The following ASIC2 variants were observed in gnomAD, a reference collection of about 807,000 sequenced individuals.
The protein encoded by ASIC2 is acid-sensing ion channel 2.
In ASIC2, 25 loss-of-function variants were observed where a neutral mutation model predicts 57.3. That is an observed-to-expected ratio of 0.44 (90% CI 0.32 to 0.61). The LOEUF (loss-of-function observed/expected upper bound fraction) is 0.61, where lower values mean the gene tolerates loss of function less well. ASIC2 is among the 20% of genes least tolerant of loss of function. ASIC2 has a pLI of 0.06. For missense variants in ASIC2, 641 were observed against 738.1 expected, an observed-to-expected ratio of 0.87 and a Z score of 1.52; for synonymous variants, 319 against 307.5, an observed-to-expected ratio of 1.04 and a Z score of -0.39.
chr17:33,072,781 C>T (rs1598263385), intron 3 of ASIC2, among the ~76,000 whole-genome samples: 1 of 152,336 alleles, frequency 6.6e-6, no homozygotes, highest in Non-Finnish European at 1.5e-5. Flanking sequence ...GCTGCTTCCT[C>T]TCTCCTGCAC....
At chr17:33,836,884 G>T (rs911871725) in intron 1 of ASIC2, among the ~76,000 whole-genome samples, 7 of 151,984 alleles carry the variant, frequency 4.6e-5, no homozygotes, top group African/African-American at 1.7e-4. Flanking sequence ...ATTTCCCAAG[G>T]TCACAAAACA....
chr17:34,013,510 C>T (rs1906844205), intron 1 of ASIC2, among the ~76,000 whole-genome samples: 1 of 152,190 alleles, frequency 6.6e-6, no homozygotes. Context: ...TTCCCAGTGC[C>T]TAGCATAGAA....
intron 1 of ASIC2, among the ~76,000 whole-genome samples, chr17:33,917,855 TAC>T (rs10645495): frequency 0.28 from 38,373 of 138,888 alleles, 6,180 homozygotes; most frequent in Admixed American, 0.37. Context: ...TAAAGCCCGG[TAC>T]ACACACACAC....
At chr17:33,475,926 G>A (rs1045080987) in intron 1 of ASIC2, among the ~76,000 whole-genome samples, 13 of 152,098 alleles carry the variant, frequency 8.5e-5, no homozygotes, top group African/African-American at 2.4e-4. Context: ...CATTCTCCAC[G>A]TCTAGCATCA....
chr17:33,449,747 A>T (rs1023226359), intron 1 of ASIC2, among the ~76,000 whole-genome samples: 1 of 151,840 alleles, frequency 6.6e-6, no homozygotes, highest in Non-Finnish European at 1.5e-5. Flanking sequence ...TACACAAAGG[A>T]TTCACAGAAT....
chr17:33,968,148 A>G (rs1905125781), intron 1 of ASIC2, among the ~76,000 whole-genome samples: 1 of 152,030 alleles, frequency 6.6e-6, no homozygotes, highest in Non-Finnish European at 1.5e-5. Context: ...CTTCCTCCAC[A>G]TCCCCATGTT....
rs531610164 is a variant in ASIC2 at position 33,375,440 on chromosome 17, G to A, written c.556-263373C>T. On this transcript the variant is annotated intron_variant, in intron 1 of 9. Transcript: ENST00000359872. ...AGAGGTCAGGGAGGTGCAGGGACAG[G>A]CTATGAAGATTCTTGCAGGCCTTTG... Among the ~76,000 whole-genome samples, 256 of 152,286 alleles carry A rather than the reference G, an allele frequency of 1.7e-3. 1 individual carries two copies. The highest frequency in any genetic ancestry group is 5.4e-3 in the African/African-American group (226 of 41,556).
intron 1 of ASIC2, among the ~76,000 whole-genome samples, chr17:33,152,633 G>A (rs972999241): frequency 6.6e-6 from 1 of 152,174 alleles, no homozygotes; most frequent in African/African-American, 2.4e-5. Context: ...GGAACATGGA[G>A]GGTTTTCAGT....
intron 1 of ASIC2, among the ~76,000 whole-genome samples, chr17:34,087,097 T>G (rs980764171): frequency 2.8e-4 from 42 of 152,250 alleles, no homozygotes; most frequent in African/African-American, 8.4e-4. Flanking sequence ...GTTAGCTGGT[T>G]ATTTTGCTTG....
At chr17:33,404,832 T>A (rs1002943433) in intron 1 of ASIC2, among the ~76,000 whole-genome samples, 2 of 152,236 alleles carry the variant, frequency 1.3e-5, no homozygotes, top group African/African-American at 4.8e-5. Context: ...ATATAGGTAT[T>A]TCTGGCTATT....
intron 1 of ASIC2, among the ~76,000 whole-genome samples, chr17:33,868,531 G>A (rs1343628013): frequency 6.6e-6 from 1 of 152,108 alleles, no homozygotes; most frequent in South Asian, 2.1e-4. Context: ...AAATCTCTGA[G>A]CCCTTGGGTT....
At chr17:33,718,439 C>G (rs377594005) in intron 1 of ASIC2, among the ~76,000 whole-genome samples, 1 of 151,766 alleles carries the variant, frequency 6.6e-6, no homozygotes, top group South Asian at 2.1e-4. Flanking sequence ...GGCGATGGCT[C>G]TCCCTCATCT....
chr17:33,668,270 T>C (rs1207413558), intron 1 of ASIC2, among the ~76,000 whole-genome samples: 2 of 131,832 alleles, frequency 1.5e-5, no homozygotes, highest in Non-Finnish European at 3.2e-5. Context: ...CAATCAAATG[T>C]TCTTTTTTTT....
At chr17:33,719,491 C>G (rs371713471) in intron 1 of ASIC2, among the ~76,000 whole-genome samples, 2 of 152,334 alleles carry the variant, frequency 1.3e-5, no homozygotes, top group African/African-American at 4.8e-5. Context: ...TACTTTGCAT[C>G]TGTCAGGAAC....
intron 1 of ASIC2, chr17:33,936,443 T>A (rs1597938029): frequency 6.6e-6 from 1 of 150,546 alleles, no homozygotes; most frequent in African/African-American, 2.4e-5. Flanking sequence ...CCAGACAGAG[T>A]GTGAGGCAGC....
At chr17:33,129,057 G>A (rs2092335286) in intron 1 of ASIC2, among the ~76,000 whole-genome samples, 2 of 152,226 alleles carry the variant, frequency 1.3e-5, no homozygotes, top group South Asian at 4.1e-4. Flanking sequence ...AAGAATGCAT[G>A]AAAGAGATAA....
In ASIC2 at chr17:33,124,930, C is replaced by G. The variant is rs930661460; in HGVS notation, c.709-12863G>C. Among the ~76,000 whole-genome samples, 3 of 152,158 alleles carry G rather than the reference C, an allele frequency of 2.0e-5. No homozygotes were observed. In the South Asian group the frequency reaches 6.2e-4, roughly 31 times the overall value. ...TTAGATTCTCTTAAGGGGGGCACAA[C>G]CTAGATCCCTCACATGCACAGTTCA... On this transcript the variant is annotated intron_variant, in intron 1 of 9. Transcript: ENST00000225823.
intron 1 of ASIC2, among the ~76,000 whole-genome samples, chr17:34,078,464 C>T (rs776660563): frequency 1.8e-4 from 27 of 152,142 alleles, no homozygotes; most frequent in Non-Finnish European, 2.8e-4. Flanking sequence ...CCCAACCCAC[C>T]GCAGAGGCAC....
intron 1 of ASIC2, among the ~76,000 whole-genome samples, chr17:34,058,582 A>G (rs1035603314): frequency 5.9e-5 from 9 of 152,206 alleles, no homozygotes; most frequent in Non-Finnish European, 1.2e-4. Context: ...CAGGCCTTGA[A>G]ACGCTGTCCT....
Sources: allele counts gnomAD v4.1 joint callset (sites outside exome capture counted in the v4.1 genomes callset), GRCh38; gene constraint gnomAD v4.1.1; transcripts MANE v1.5; gene names NCBI Gene and HGNC (gene_info 2026-07-23, HGNC 2026-07-21).